The following CDH13 variants were observed in gnomAD, a reference collection of about 807,000 sequenced individuals.
CDH13 encodes the protein cadherin-13.
A neutral mutation model predicts 63.8 loss-of-function variants in CDH13; 24 were observed. The ratio of observed to expected loss-of-function variants is 0.38; its 90% CI spans 0.27 to 0.53. The LOEUF is 0.53. CDH13 is among the 20% of genes least tolerant of loss of function. CDH13 has a pLI of 0.85. For missense variants in CDH13, 1,049 were observed against 903.1 expected (o/e 1.16, Z -2.07); for synonymous variants, 503 against 355.3 (o/e 1.42, Z -4.67).
intron 2 of CDH13, among the ~76,000 whole-genome samples, chr16:83,023,799 T>C (rs1915562541): frequency 6.6e-6 from 1 of 152,178 alleles, no homozygotes; most frequent in Non-Finnish European, 1.5e-5. Context: ...ACATGCACCC[T>C]TTAATAGGAA....
intron 3 of CDH13, among the ~76,000 whole-genome samples, chr16:83,063,640 C>A (rs142705567): frequency 1.3e-5 from 2 of 152,180 alleles, no homozygotes; most frequent in African/African-American, 4.8e-5. Context: ...TTTATCTCTA[C>A]TAGTTTCCTG....
At chr16:83,043,534 T>C (rs960442674) in intron 3 of CDH13, among the ~76,000 whole-genome samples, 9 of 150,502 alleles carry the variant, frequency 6.0e-5, no homozygotes, top group Admixed American at 4.6e-4. Flanking sequence ...TGTGTATGTA[T>C]AACAGATATA....
chr16:83,114,059 C>G (rs1284697713), intron 3 of CDH13, among the ~76,000 whole-genome samples: 2 of 152,148 alleles, frequency 1.3e-5, no homozygotes, highest in Non-Finnish European at 2.9e-5. Context: ...AAAACTGTTA[C>G]TTCTGTTCTC....
At chr16:82,931,199 A>G (rs2042478823) in intron 2 of CDH13, among the ~76,000 whole-genome samples, 1 of 152,240 alleles carries the variant, frequency 6.6e-6, no homozygotes, top group Non-Finnish European at 1.5e-5. Context: ...CGTGTCAAAA[A>G]GCATATCTAG....
At chr16:83,302,625 G>A (rs192829325) in intron 5 of CDH13, among the ~76,000 whole-genome samples, 2 of 152,268 alleles carry the variant, frequency 1.3e-5, no homozygotes, top group African/African-American at 4.8e-5. Flanking sequence ...CAGGAATTAG[G>A]GGAGAAACAG....
intron 7 of CDH13, among the ~76,000 whole-genome samples, chr16:83,572,298 T>C (rs372814030): frequency 6.6e-6 from 1 of 151,422 alleles, no homozygotes; most frequent in South Asian, 2.1e-4. Context: ...GCGATTCTCA[T>C]GCCTCAGCCT....
chr16:83,737,932 A>G (rs1348617587), intron 10 of CDH13, among the ~76,000 whole-genome samples: 1 of 152,238 alleles, frequency 6.6e-6, no homozygotes, highest in Non-Finnish European at 1.5e-5. Context: ...CATGTGTAAA[A>G]TAAGGTGGTA....
intron 5 of CDH13, among the ~76,000 whole-genome samples, chr16:83,270,158 G>A (rs2088758361): frequency 6.6e-6 from 1 of 152,136 alleles, no homozygotes; most frequent in South Asian, 2.1e-4. Context: ...CTGTTACACA[G>A]CAGGGCAATA....
At position 83,403,562 on chromosome 16, in the gene CDH13, G is replaced by C. The variant is rs574410920; in HGVS notation, c.781+58556G>C. 3.9e-5 allele frequency among the ~76,000 whole-genome samples: 6 copies of C among 152,256 alleles called. No homozygotes were observed. The South Asian group carries it at 1.2e-3, about 32-fold the overall frequency. On this transcript the variant is annotated intron_variant, in intron 6 of 13. Coordinates refer to ENST00000567109, the MANE Select transcript of CDH13 (RefSeq NM_001257.5). ...GGCGTGAACCTGGGAGGCAGAGCTT[G>C]CAGTGACCCGAGATGGCACAATTGC...
chr16:83,691,549 G>A (rs558538675), intron 10 of CDH13, among the ~76,000 whole-genome samples: 4 of 152,136 alleles, frequency 2.6e-5, no homozygotes, highest in South Asian at 2.1e-4. Context: ...AGCCAGGTGC[G>A]GTGGCTCACA....
chr16:82,688,240 C>T (rs772227685), intron 1 of CDH13, among the ~76,000 whole-genome samples: 5 of 152,148 alleles, frequency 3.3e-5, no homozygotes, highest in African/African-American at 1.2e-4. Context: ...GGCTGTGTCT[C>T]GAATGCCCTG....
At chr16:82,676,871 T>TTTTG (rs1913975756) in intron 1 of CDH13, among the ~76,000 whole-genome samples, 3 of 149,392 alleles carry the variant, frequency 2.0e-5, no homozygotes, top group Non-Finnish European at 1.5e-5. Flanking sequence ...GTTTCTTTGT[T>TTTTG]TTTTGTTTTG....
chr16:83,203,855 G>C (rs565521387), intron 4 of CDH13, among the ~76,000 whole-genome samples: 3 of 152,074 alleles, frequency 2.0e-5, no homozygotes, highest in Admixed American at 1.3e-4. Context: ...AACAGCATCC[G>C]AGGGCATGAT....
intron 1 of CDH13, among the ~76,000 whole-genome samples, chr16:82,780,151 G>A (rs941173123): frequency 6.6e-6 from 1 of 152,092 alleles, no homozygotes; most frequent in Non-Finnish European, 1.5e-5. Context: ...GTTGCTTGTA[G>A]GAATGGGGGT....
chr16:82,882,700 GA>G (rs1198075411), intron 2 of CDH13, among the ~76,000 whole-genome samples: 5 of 148,824 alleles, frequency 3.4e-5, no homozygotes, highest in Non-Finnish European at 7.4e-5. Context: ...CTTCCTTTTA[GA>G]AAAAACAAAC....
At chr16:83,455,379 T>G (rs1219146994) in intron 6 of CDH13, among the ~76,000 whole-genome samples, 1 of 152,204 alleles carries the variant, frequency 6.6e-6, no homozygotes. Flanking sequence ...GTGTGATCAC[T>G]GGCCCACCTG....
intron 4 of CDH13, among the ~76,000 whole-genome samples, chr16:83,185,839 T>C (rs2038500017): frequency 6.6e-6 from 1 of 152,210 alleles, no homozygotes; most frequent in South Asian, 2.1e-4. Context: ...GATAGATTTA[T>C]GCATTTGAAA....
At chr16:83,131,830 A>G (rs144710230) in intron 4 of CDH13, among the ~76,000 whole-genome samples, 8 of 152,350 alleles carry the variant, frequency 5.3e-5, no homozygotes, top group East Asian at 1.9e-4. Context: ...TCTTTAACCC[A>G]GGATAGAAGA....
chr16:83,406,979 A>T (rs2092057663), intron 6 of CDH13, among the ~76,000 whole-genome samples: 1 of 152,246 alleles, frequency 6.6e-6, no homozygotes, highest in Non-Finnish European at 1.5e-5. Flanking sequence ...GCTTTCTAAA[A>T]AGTAACTTAA....
Sources: gnomAD v4.1 joint callset for allele counts (sites outside exome capture counted in the v4.1 genomes callset) on GRCh38, gnomAD v4.1.1 for gene constraint, MANE v1.5 for transcripts, NCBI Gene and HGNC (gene_info 2026-07-23, HGNC 2026-07-21) for gene names.